The following MTUS2 variants were observed in gnomAD, a reference collection of about 807,000 sequenced individuals.
MTUS2 encodes the protein microtubule-associated tumor suppressor candidate 2.
Under a neutral mutation model 114.1 loss-of-function variants are expected in MTUS2, and 40 were observed. The observed-to-expected ratio is 0.35, with a 90% CI of 0.27 to 0.46. The LOEUF (loss-of-function observed/expected upper bound fraction) is 0.46. Among genes scored for constraint, MTUS2 ranks in the 20% least tolerant of loss-of-function variants. The probability of loss-of-function intolerance (pLI) is 1.00; values close to 1 mark genes in which losing one functional copy is unlikely to be tolerated. For missense variants in MTUS2, 1,679 were observed against 1,705.4 expected (o/e 0.98, Z 0.27); for synonymous variants, 688 against 672.0 (o/e 1.02, Z -0.37).
chr13:29,110,327 T>C (rs1369922545), intron 5 of MTUS2, among the ~76,000 whole-genome samples: 1 of 152,236 alleles, frequency 6.6e-6, no homozygotes, highest in African/African-American at 2.4e-5. Context: ...TTTGCACAGC[T>C]TCTCATTTTG....
intron 2 of MTUS2, among the ~76,000 whole-genome samples, chr13:28,905,678 G>A (rs555337254): frequency 1.3e-5 from 2 of 151,582 alleles, no homozygotes; most frequent in South Asian, 4.2e-4. Flanking sequence ...GAGGATTTTT[G>A]CATCAATGTT....
chr13:28,846,059 T>A lies in MTUS2; in HGVS notation c.-243+6209T>A, dbSNP rs867978016. ...CAGTCTTTTTCTTAAAAAAAAAATA[T>A]ATATATATATATATATTCCTCCTTC... On this transcript the variant is annotated intron_variant, in intron 2 of 15. Transcript: ENST00000612955. Among the ~76,000 whole-genome samples the A allele has an allele frequency of 8.1e-3, 1,172 of 144,594 alleles. 6 individuals are homozygous for A. The highest frequency in any genetic ancestry group is 0.012 in the African/African-American group (451 of 37,486). The allele number at this position is 144,594 out of a possible 152,430, so 94.9% of individuals were successfully genotyped here.
chr13:29,315,322 A>G (rs1459845385), intron 6 of MTUS2, among the ~76,000 whole-genome samples: 3 of 152,208 alleles, frequency 2.0e-5, no homozygotes, highest in Non-Finnish European at 4.4e-5. Flanking sequence ...AGGATCTGGC[A>G]TGGTCCCAAC....
At chr13:29,116,564 CA>C (rs1891094029) in intron 5 of MTUS2, among the ~76,000 whole-genome samples, 1 of 152,046 alleles carries the variant, frequency 6.6e-6, no homozygotes, top group Non-Finnish European at 1.5e-5. Context: ...GTATGACTTA[CA>C]AATTAGACAC....
chr13:29,157,734 C>T (rs1892919412), intron 5 of MTUS2, among the ~76,000 whole-genome samples: 1 of 152,194 alleles, frequency 6.6e-6, no homozygotes, highest in Middle Eastern at 3.4e-3. Flanking sequence ...CAAGAATCTG[C>T]ATTTCCAACA....
chr13:28,892,583 C>T (rs1159614647), intron 2 of MTUS2, among the ~76,000 whole-genome samples: 2 of 152,148 alleles, frequency 1.3e-5, no homozygotes, highest in Non-Finnish European at 2.9e-5. Context: ...TTGAAGATGA[C>T]TCTGGGTTCA....
chr13:29,397,190 A>G (rs1257497587), intron 8 of MTUS2, among the ~76,000 whole-genome samples: 1 of 152,094 alleles, frequency 6.6e-6, no homozygotes, highest in Non-Finnish European at 1.5e-5. Flanking sequence ...TTACAGCTCC[A>G]CTTGATCAGC....
At chr13:29,057,168 G>A (rs1790929483) in intron 4 of MTUS2, among the ~76,000 whole-genome samples, 1 of 152,016 alleles carries the variant, frequency 6.6e-6, no homozygotes, top group South Asian at 2.1e-4. Context: ...GAGTGTGTTT[G>A]TTATGATTTT....
At chr13:29,052,472 AAAAAAGAAAAGG>A (rs1234844245) in intron 4 of MTUS2, among the ~76,000 whole-genome samples, 1 of 151,878 alleles carries the variant, frequency 6.6e-6, no homozygotes, top group Non-Finnish European at 1.5e-5. Flanking sequence ...AAAAAAAAAA[AAAAAAGAAAAGG>A]AAAAGAAAAA....
intron 5 of MTUS2, among the ~76,000 whole-genome samples, chr13:29,200,795 C>T (rs759095451): frequency 2.1e-4 from 32 of 152,246 alleles, no homozygotes; most frequent in Non-Finnish European, 4.1e-4. Context: ...GCAGAGATTA[C>T]AAGCGTGAGC....
In MTUS2 at chr13:29,306,672, A is replaced by G. The variant is rs1899477499; in HGVS notation, c.2807-17941A>G. ...ACAAATGGAAAAACATTCCAGGCTCATGGATAGAAAGAATCAATATCATGA... is the reference window on the plus strand; with the variant it reads ...ACAAATGGAAAAACATTCCAGGCTCGTGGATAGAAAGAATCAATATCATGA... On this transcript the variant is annotated intron_variant, in intron 6 of 15. Coordinates refer to ENST00000612955, the MANE Select transcript of MTUS2 (RefSeq NM_001033602.4). 2.5e-5 allele frequency: 6 copies of G among 241,706 alleles called. No homozygotes were observed. In the South Asian group the frequency reaches 2.7e-4, roughly 11 times the overall value. 15.0% of individuals were successfully genotyped at this position (241,706 alleles called of 1,614,324 possible). A position where few individuals can be genotyped will look rare whatever the true frequency, so the allele number is the denominator to read the frequency against.
intron 2 of MTUS2, among the ~76,000 whole-genome samples, chr13:28,950,363 T>C (rs531736645): frequency 2.6e-5 from 4 of 152,364 alleles, no homozygotes; most frequent in South Asian, 4.1e-4. Context: ...TTGTCAGATA[T>C]GTGATTCGCA....
chr13:28,859,070 G>T lies in MTUS2; in HGVS notation c.-243+19220G>T, dbSNP rs947233740. On this transcript the variant is annotated intron_variant, in intron 2 of 15. Transcript: ENST00000612955. The stretch of plus-strand genomic sequence containing the variant: ...AGACAGGCTGCTTTTTGGGAAAGGG[G>T]CAAGTAGATAATTACATGGGAGGCC... 3.9e-5 allele frequency among the ~76,000 whole-genome samples: 6 copies of T among 152,308 alleles called. No homozygotes were observed. In the East Asian group the frequency reaches 1.2e-3, roughly 29 times the overall value.
intron 13 of MTUS2, 111 bp downstream of exon 13, chr13:29,497,447 C>G: frequency 1.1e-6 from 1 of 895,406 alleles, no homozygotes; most frequent in Non-Finnish European, 1.8e-6. Context: ...GAATCCGCTG[C>G]TGAAGTGACA....
At chr13:29,232,739 G>A (rs1896384316) in intron 5 of MTUS2, among the ~76,000 whole-genome samples, 5 of 152,088 alleles carry the variant, frequency 3.3e-5, no homozygotes, top group African/African-American at 9.7e-5. Context: ...GTTTCCTCAC[G>A]TTACCTATGA....
chr13:28,918,906 TG>T (rs1880892330), intron 2 of MTUS2, among the ~76,000 whole-genome samples: 3 of 152,110 alleles, frequency 2.0e-5, no homozygotes, highest in Admixed American at 2.0e-4. Context: ...TTTAAACTGA[TG>T]ACAGCTTAAC....
chr13:29,495,117 G>A (rs1882444949), intron 12 of MTUS2, among the ~76,000 whole-genome samples: 1 of 142,964 alleles, frequency 7.0e-6, no homozygotes, highest in Admixed American at 7.4e-5. Context: ...CCCGGAGGCA[G>A]AGGTAGCAGT....
intron 2 of MTUS2, among the ~76,000 whole-genome samples, chr13:28,977,625 C>G (rs897828438): frequency 2.6e-5 from 4 of 152,116 alleles, no homozygotes; most frequent in Admixed American, 1.3e-4. Context: ...GTACATCAAT[C>G]ATCATAATGT....
chr13:29,423,452 C>CA (rs1361423142), intron 8 of MTUS2, among the ~76,000 whole-genome samples: 1 of 152,110 alleles, frequency 6.6e-6, no homozygotes, highest in African/African-American at 2.4e-5. Flanking sequence ...TTTCTTGTGT[C>CA]AGGAAGCAAG....
Sources: gnomAD v4.1 joint callset for allele counts (sites outside exome capture counted in the v4.1 genomes callset) on GRCh38, gnomAD v4.1.1 for gene constraint, MANE v1.5 for transcripts, NCBI Gene and HGNC (gene_info 2026-07-23, HGNC 2026-07-21) for gene names.